The following DDX60 variants were observed in gnomAD, a reference collection of about 807,000 sequenced individuals.
DDX60 encodes DExD/H-box helicase 60.
DDX60 carries 165 observed loss-of-function variants against 212.8 expected under a neutral mutation model. The observed-to-expected ratio is 0.78, with a 90% confidence interval of 0.68 to 0.88. The LOEUF (loss-of-function observed/expected upper bound fraction) is 0.88, where lower values mean the gene tolerates loss of function less well. Among genes scored for constraint, DDX60 ranks in the 40% least tolerant of loss-of-function variants. The pLI is 0.00. For synonymous variants in DDX60, 703 were observed against 685.3 expected (o/e 1.03, Z -0.40); for missense variants, 1,905 against 2,003.9 (o/e 0.95, Z 0.94).
chr4:168,317,159 C>T (rs564156447), intron 1 of DDX60, among the ~76,000 whole-genome samples: 1 of 151,364 alleles, frequency 6.6e-6, no homozygotes, highest in African/African-American at 2.4e-5. Flanking sequence ...TAGAGGCCAG[C>T]AAAATATGTT....
chr4:168,314,687 T>C (rs1737289252), intron 1 of DDX60, among the ~76,000 whole-genome samples: 1 of 151,950 alleles, frequency 6.6e-6, no homozygotes, highest in Non-Finnish European at 1.5e-5. Context: ...GATGAAAAAA[T>C]TCTAAAAATA....
rs1264449737 is a variant in DDX60 at position 168,236,272 on chromosome 4, A to C, written c.4513T>G (p.Phe1505Val). Residue 1505 changes from phenylalanine (F) to valine (V), a missense_variant, in exon 33 of 38, where the codon TTC (phenylalanine) becomes GTC (valine). Transcript: ENST00000393743. ...YFPPKFQDAH[F>V]EFYQSKVFLD... ...TTTACCTTTGATTGATAAAACTCGA[A>C]GTGTGCATCTTGGAACTTTGGTGGA... The C allele has an allele frequency of 2.5e-6, 4 of 1,610,828 alleles. No homozygotes were observed. Among genetic ancestry groups the C allele is most frequent in the Non-Finnish European group, 3.4e-6 (4 of 1,178,384 alleles).
intron 11 of DDX60, 26 bp from the exon 12 acceptor site, chr4:168,284,961 TA>T (rs1430255601): frequency 8.9e-7 from 1 of 1,125,228 alleles, no homozygotes. Flanking sequence ...AGGCATATTT[TA>T]AATTGCACAC....
chr4:168,221,455 G>T (rs1052218531), intron 36 of DDX60, among the ~76,000 whole-genome samples: 1 of 152,062 alleles, frequency 6.6e-6, no homozygotes, highest in African/African-American at 2.4e-5. Context: ...ATATCTATGA[G>T]CATGTGCAAA....
At chr4:168,264,315 C>T (rs920328440) in intron 22 of DDX60, among the ~76,000 whole-genome samples, 1 of 152,140 alleles carries the variant, frequency 6.6e-6, no homozygotes, top group Non-Finnish European at 1.5e-5. Context: ...TTCCTGGAAT[C>T]ATCGTTTAAC....
rs773671007 is a variant in DDX60, at chr4:168,237,358, G to T, written c.4339C>A (p.Pro1447Thr). The T allele has an allele frequency of 1.9e-6, 3 of 1,599,272 alleles. No individual in the cohort carries two copies. Among genetic ancestry groups the T allele is most frequent in the African/African-American group, 2.7e-5 (2 of 74,618 alleles). Residue 1447 changes from proline to threonine, a missense_variant, in exon 32 of 38, where the codon CCT becomes ACT. Physicochemically the swap from Pro to Thr is conservative, Grantham distance 38 (BLOSUM62 -1). Coordinates refer to ENST00000393743, the MANE Select transcript of DDX60 (RefSeq NM_017631.6). Reference protein sequence around the residue: ...GLVSHLHYHEPSNLVFVSFLV... With the variant: ...GLVSHLHYHETSNLVFVSFLV... Reference sequence around the variant, plus strand: ...AAACTGACAAAAACAAGATTAGAAGGTTCATGATAATGCAAATGTGATACA... The same window carrying T: ...AAACTGACAAAAACAAGATTAGAAGTTTCATGATAATGCAAATGTGATACA...
At chr4:168,220,801 T>C (rs1733025242) in intron 36 of DDX60, 84 bp from the exon 37 acceptor site, 2 of 730,224 alleles carry the variant, frequency 2.7e-6, no homozygotes, top group African/African-American at 1.9e-5. Flanking sequence ...AATTTATCAG[T>C]AAGAGGTTGC....
rs769269381 is a variant in DDX60, at chr4:168,307,956, T to G, written c.264+50A>C. 8 of 1,158,460 alleles carry G rather than the reference T, an allele frequency of 6.9e-6. No individual in the cohort carries two copies. In the East Asian group the frequency reaches 2.2e-4, roughly 33 times the overall value. 71.8% of individuals were successfully genotyped at this position (1,158,460 alleles called of 1,614,324 possible). On this transcript the variant is annotated intron_variant, in intron 4 of 37. Transcript: ENST00000393743. ...AATATATATATAATAATTTAGGAAA[T>G]TTTAGTTTTAGTTCTCATATTATAA...
rs1335343934 is a variant in DDX60 at position 168,262,141 on chromosome 4, T to C, written c.3145-13A>G. 2 of 1,570,126 alleles carry C rather than the reference T, an allele frequency of 1.3e-6. No individual in the cohort carries two copies. The highest frequency in any genetic ancestry group is 2.1e-5 in the Admixed American group (1 of 47,182). On this transcript the variant is annotated splice_polypyrimidine_tract_variant and intron_variant, in intron 23 of 37. Transcript: ENST00000393743. Reference sequence around the variant, plus strand: ...CTGGGCACAGTTCCTTGAAAACAAATATTACAAAATTAGGCACAATCATGC... The same window carrying C: ...CTGGGCACAGTTCCTTGAAAACAAACATTACAAAATTAGGCACAATCATGC...
chr4:168,235,609 T>C (rs1344188263), intron 33 of DDX60, among the ~76,000 whole-genome samples: 3 of 152,128 alleles, frequency 2.0e-5, no homozygotes. Flanking sequence ...CTAATTCTTT[T>C]TGTTTGTTCC....
rs890120131 is a variant in DDX60, at chr4:168,318,731, C to T, written c.-216G>A. 2 of 152,300 alleles carry T rather than the reference C, an allele frequency of 1.3e-5. No individual in the cohort carries two copies. The highest frequency in any genetic ancestry group is 2.4e-5 in the African/African-American group (1 of 41,482). The allele number at this position is 152,300 out of a possible 1,614,324, so 9.4% of individuals were successfully genotyped here. On this transcript the variant is annotated 5_prime_UTR_variant, in exon 1 of 38. Transcript: ENST00000393743. Reference sequence around the variant, plus strand: ...CCCAGGTGGAAGTTCCAGGTTACCCCAGACCTGGCCTAGGACTCGGCGCTC... The same window carrying T: ...CCCAGGTGGAAGTTCCAGGTTACCCTAGACCTGGCCTAGGACTCGGCGCTC...
chr4:168,273,789 G>A (rs940000423), intron 17 of DDX60, 145 bp downstream of exon 17: 40 of 784,804 alleles, frequency 5.1e-5, no homozygotes, highest in Non-Finnish European at 6.2e-5. Context: ...ATATGTATAT[G>A]TATATTATTT....
intron 4 of DDX60, among the ~76,000 whole-genome samples, chr4:168,307,138 G>A (rs189549843): frequency 6.8e-4 from 104 of 152,196 alleles, no homozygotes; most frequent in Admixed American, 1.4e-3. Flanking sequence ...AGATTGTCTC[G>A]GCATAACAAA....
At chr4:168,289,358 C>A (rs1209016286) in intron 8 of DDX60, among the ~76,000 whole-genome samples, 2 of 152,126 alleles carry the variant, frequency 1.3e-5, no homozygotes, top group Non-Finnish European at 2.9e-5. Flanking sequence ...TCAGGACAAC[C>A]CATTCTCCTT....
rs1733665552 is a variant in DDX60 at position 168,237,352 on chromosome 4, T to C, written c.4345A>G (p.Asn1449Asp). 2 of 1,596,250 alleles carry C rather than the reference T, an allele frequency of 1.3e-6. No individual in the cohort carries two copies. The highest frequency in any genetic ancestry group is 2.7e-5 in the African/African-American group (2 of 74,476). The part of the protein sequence containing the change: ...VSHLHYHEPS[N>D]LVFVSFLVNG... The stretch of plus-strand genomic sequence containing the variant: ...ACAAGAAAACTGACAAAAACAAGAT[T>C]AGAAGGTTCATGATAATGCAAATGT... The change falls in exon 32 of 38, where the codon AAT (asparagine) becomes GAT (aspartate). Residue 1449 changes from asparagine to aspartate, a missense_variant. Coordinates refer to ENST00000393743, the MANE Select transcript of DDX60 (RefSeq NM_017631.6).
At chr4:168,234,648 T>C (rs1198391380) in intron 33 of DDX60, among the ~76,000 whole-genome samples, 1 of 152,124 alleles carries the variant, frequency 6.6e-6, no homozygotes, top group African/African-American at 2.4e-5. Context: ...GTCTGGATGA[T>C]TTATGGATCT....
At chr4:168,242,921 G>A (rs1733900292) in intron 30 of DDX60, among the ~76,000 whole-genome samples, 1 of 152,180 alleles carries the variant, frequency 6.6e-6, no homozygotes, top group Non-Finnish European at 1.5e-5. Flanking sequence ...GTTGTGAGAG[G>A]AAACTGGTGT....
chr4:168,251,522 G>C (rs1465448323), intron 27 of DDX60, among the ~76,000 whole-genome samples: 1 of 152,200 alleles, frequency 6.6e-6, no homozygotes, highest in Non-Finnish European at 1.5e-5. Flanking sequence ...CATTGAAACT[G>C]AGCACAAATG....
intron 7 of DDX60, among the ~76,000 whole-genome samples, chr4:168,292,637 G>A (rs963017950): frequency 6.6e-5 from 10 of 152,154 alleles, no homozygotes; most frequent in Admixed American, 2.0e-4. Context: ...TTACCAGGGC[G>A]AGGACACCAG....
Sources: allele counts gnomAD v4.1 joint callset (sites outside exome capture counted in the v4.1 genomes callset), GRCh38; gene constraint gnomAD v4.1.1; transcripts MANE v1.5; gene names NCBI Gene and HGNC (gene_info 2026-07-23, HGNC 2026-07-21).